The following PNPT1 variants were observed in gnomAD, a reference collection of about 807,000 sequenced individuals.
The protein encoded by PNPT1 is polyribonucleotide nucleotidyltransferase 1.
In PNPT1, 53 loss-of-function variants were observed where a neutral mutation model predicts 119.5. The ratio of observed to expected loss-of-function variants is 0.44; its 90% CI spans 0.36 to 0.56. PNPT1 has a LOEUF of 0.56. PNPT1 is among the 20% of genes least tolerant of loss of function. PNPT1 has a pLI of 0.00. For synonymous variants in PNPT1, 357 were observed against 322.1 expected (o/e 1.11, Z -1.16); for missense variants, 948 against 938.5 (o/e 1.01, Z -0.13).
intron 13 of PNPT1, among the ~76,000 whole-genome samples, chr2:55,663,802 C>T (rs961010825): frequency 2.0e-5 from 3 of 151,886 alleles, no homozygotes; most frequent in Non-Finnish European, 4.4e-5. Flanking sequence ...CATGGTGAAA[C>T]CCCGTCTCTA....
intron 26 of PNPT1, 37 bp from the exon 27 acceptor site, chr2:55,637,636 A>G: frequency 6.7e-7 from 1 of 1,496,874 alleles, no homozygotes; most frequent in Non-Finnish European, 9.3e-7. Flanking sequence ...GTTGTTGTGC[A>G]TAATTATGTA....
intron 25 of PNPT1, among the ~76,000 whole-genome samples, chr2:55,641,512 G>C (rs1405387230): frequency 6.6e-6 from 1 of 151,812 alleles, no homozygotes; most frequent in Non-Finnish European, 1.5e-5. Context: ...TTTTCGAAAT[G>C]ACATTAAATA....
intron 8 of PNPT1, among the ~76,000 whole-genome samples, chr2:55,678,249 G>A (rs1031526315): frequency 3.9e-5 from 6 of 152,146 alleles, no homozygotes; most frequent in African/African-American, 1.2e-4. Context: ...TCAAGGCTCC[G>A]AGATGCTCAA....
At chr2:55,671,454 G>T in intron 10 of PNPT1, 78 bp from the exon 11 acceptor site, 1 of 844,434 alleles carries the variant, frequency 1.2e-6, no homozygotes, top group Non-Finnish European at 1.8e-6. Context: ...ATTATACAAT[G>T]AACACATTGT....
chr2:55,654,873 A>T (rs1309585619), intron 18 of PNPT1, 27 bp downstream of exon 18: 4 of 1,606,830 alleles, frequency 2.5e-6, no homozygotes, highest in Non-Finnish European at 2.6e-6. Flanking sequence ...GAGCAATATC[A>T]GCAGTTTTGA....
At chr2:55,683,953 GATTTACT>G in intron 4 of PNPT1, 119 bp from the exon 5 acceptor site, 1 of 865,544 alleles carries the variant, frequency 1.2e-6, no homozygotes, top group Non-Finnish European at 1.8e-6. Context: ...CCCTTGGACT[GATTTACT>G]AAGAGGGACA....
At chr2:55,678,254 G>A (rs1249652473) in intron 8 of PNPT1, among the ~76,000 whole-genome samples, 1 of 152,170 alleles carries the variant, frequency 6.6e-6, no homozygotes, top group East Asian at 1.9e-4. Context: ...GCTCCGAGAT[G>A]CTCAAACATG....
rs1696963275 is a variant in PNPT1, at chr2:55,673,038, A to C, written c.721T>G (p.Phe241Val). 6 of 1,611,810 alleles carry C rather than the reference A, an allele frequency of 3.7e-6. No individual in the cohort carries two copies. Among genetic ancestry groups the C allele is most frequent in the Non-Finnish European group, 5.1e-6 (6 of 1,179,564 alleles). Residue 241 changes from phenylalanine (F) to valine (V), a missense_variant, in exon 9 of 28, where the codon TTT (phenylalanine) becomes GTT (valine). By Grantham distance (50) the Phe-to-Val change is conservative. Transcript: ENST00000447944. The stretch of plus-strand genomic sequence containing the variant: ...ACTCCCACTTTGATAGCATGGCAAA[A>C]GTCCTGCTGTAAAATGTTCTCTGCA... ...ASAENILQQD[F>V]CHAIKVGVKY...
At position 55,661,946 on chromosome 2, in the gene PNPT1, CAT is replaced by C. The variant is rs766496920; in HGVS notation, c.1247+8_1247+9del. ...TAAAACGTAACAAACATCTTAAAAA[CAT>C]AACTTACTTTATAGCTGTTATAACT... On this transcript the variant is annotated splice_region_variant and intron_variant, in intron 14 of 27. Coordinates refer to ENST00000447944, the MANE Select transcript of PNPT1 (RefSeq NM_033109.5). The C allele has an allele frequency of 5.2e-6, 8 of 1,545,946 alleles. No individual in the cohort carries two copies. The African/African-American group carries it at 1.1e-4, about 22-fold the overall frequency.
At chr2:55,672,821 G>C (rs1696954954) in intron 9 of PNPT1, 72 bp downstream of exon 9, 1 of 1,401,984 alleles carries the variant, frequency 7.1e-7, no homozygotes, top group Non-Finnish European at 9.7e-7. Flanking sequence ...TGCTTCCATG[G>C]GAAGTTTCTC....
chr2:55,660,964 T>C (rs1696549970), intron 14 of PNPT1, among the ~76,000 whole-genome samples: 2 of 152,132 alleles, frequency 1.3e-5, no homozygotes. Flanking sequence ...GGGCCGAGCC[T>C]TGTGGTCTTC....
intron 8 of PNPT1, among the ~76,000 whole-genome samples, chr2:55,676,636 T>A (rs1482510524): frequency 1.3e-5 from 2 of 152,076 alleles, no homozygotes; most frequent in Non-Finnish European, 2.9e-5. Context: ...CTGAGGCAGG[T>A]GGATCACCTG....
In PNPT1 at chr2:55,680,732, A is replaced by G; in HGVS notation, c.545T>C (p.Ile182Thr). 1 of 1,613,690 alleles carries G rather than the reference A, an allele frequency of 6.2e-7. No individual in the cohort carries two copies. Among genetic ancestry groups the G allele is most frequent in the Non-Finnish European group, 8.5e-7 (1 of 1,179,820 alleles). The change falls in exon 7 of 28, where the codon ATT becomes ACT. Residue 182 changes from isoleucine (I) to threonine (T), a missense_variant. By Grantham distance (89) the Ile-to-Thr change is moderately conservative (BLOSUM62 -1). Coordinates refer to ENST00000447944, the MANE Select transcript of PNPT1 (RefSeq NM_033109.5). ...GASVALSLSD[I>T]PWNGPVGAVR... Reference sequence around the variant, plus strand: ...CTTACCAACAGGTCCATTCCAAGGAATATCTGATAATGAGAGGGCTACGGA... The same window carrying G: ...CTTACCAACAGGTCCATTCCAAGGAGTATCTGATAATGAGAGGGCTACGGA...
At chr2:55,637,965 A>C (rs751923217) in intron 26 of PNPT1, among the ~76,000 whole-genome samples, 1 of 146,182 alleles carries the variant, frequency 6.8e-6, no homozygotes, top group Non-Finnish European at 1.5e-5. Context: ...ACGCCATTGC[A>C]CTCCAGCCTG....
At chr2:55,651,176 A>G (rs1175353095) in intron 18 of PNPT1, among the ~76,000 whole-genome samples, 1 of 149,932 alleles carries the variant, frequency 6.7e-6, no homozygotes, top group East Asian at 2.0e-4. Context: ...CTGCCCGGCC[A>G]GCCGCCCCGT....
At chr2:55,641,621 A>G (rs1265918003) in intron 25 of PNPT1, among the ~76,000 whole-genome samples, 1 of 152,168 alleles carries the variant, frequency 6.6e-6, no homozygotes, top group Non-Finnish European at 1.5e-5. Flanking sequence ...TTAAAAAACT[A>G]ATCTTCCCTT....
intron 8 of PNPT1, among the ~76,000 whole-genome samples, 166 bp downstream of exon 8, chr2:55,679,516 G>T (rs557614142): frequency 3.9e-5 from 6 of 151,944 alleles, no homozygotes; most frequent in African/African-American, 1.4e-4. Flanking sequence ...TGTAATTTTA[G>T]GAATCATTTG....
intron 8 of PNPT1, among the ~76,000 whole-genome samples, chr2:55,676,302 G>A (rs1443861172): frequency 6.9e-6 from 1 of 145,800 alleles, no homozygotes; most frequent in East Asian, 2.0e-4. Flanking sequence ...GCTATAAACT[G>A]TCAACCATTT....
At chr2:55,673,916 T>C (rs1696988675) in intron 8 of PNPT1, among the ~76,000 whole-genome samples, 1 of 151,282 alleles carries the variant, frequency 6.6e-6, no homozygotes, top group African/African-American at 2.4e-5. Context: ...AGGGACGGGG[T>C]TTTGCCATGT....
Sources: gnomAD v4.1 joint callset for allele counts (sites outside exome capture counted in the v4.1 genomes callset) on GRCh38, gnomAD v4.1.1 for gene constraint, MANE v1.5 for transcripts, NCBI Gene and HGNC (gene_info 2026-07-23, HGNC 2026-07-21) for gene names.